The following MYT1L variants were observed in gnomAD, a reference collection of about 807,000 sequenced individuals.
The protein encoded by MYT1L is myelin transcription factor 1 like.
Under a neutral mutation model 126.7 loss-of-function variants are expected in MYT1L, and 12 were observed. That is an observed-to-expected ratio of 0.09 (90% CI 0.06 to 0.15). The LOEUF (loss-of-function observed/expected upper bound fraction) is 0.15. MYT1L is among the 10% of genes least tolerant of loss of function. MYT1L has a pLI of 1.00. For synonymous variants in MYT1L, 541 were observed against 604.2 expected, an observed-to-expected ratio of 0.90 and a Z score of 1.53; for missense variants, 979 against 1,585.2, an observed-to-expected ratio of 0.62 and a Z score of 6.49.
intron 3 of MYT1L, among the ~76,000 whole-genome samples, chr2:2,158,010 T>C (rs1160337482): frequency 6.6e-6 from 1 of 152,122 alleles, no homozygotes; most frequent in African/African-American, 2.4e-5. Context: ...CCTTTCTCCA[T>C]TCCTAGGTCT....
chr2:2,138,394 C>T lies in MYT1L; in HGVS notation c.-304+34478G>A, dbSNP rs371158001. ...ATGCTGCTATAAAGACACATGCACACGTATGTTTATTGCGGCACTATTCAC... is the reference window on the plus strand; with the variant it reads ...ATGCTGCTATAAAGACACATGCACATGTATGTTTATTGCGGCACTATTCAC... On this transcript the variant is annotated intron_variant, in intron 3 of 24. Transcript: ENST00000647738. Among the ~76,000 whole-genome samples the T allele has an allele frequency of 7.2e-4, 101 of 139,958 alleles. 1 individual carries two copies. Among genetic ancestry groups the T allele is most frequent in the Middle Eastern group, 3.6e-3 (1 of 274 alleles). 91.8% of individuals were successfully genotyped at this position (139,958 alleles called of 152,430 possible). A position where few individuals can be genotyped will look rare whatever the true frequency, so the allele number is the denominator to read the frequency against.
At chr2:1,976,919 A>G (rs2060231426) in intron 8 of MYT1L, among the ~76,000 whole-genome samples, 1 of 152,190 alleles carries the variant, frequency 6.6e-6, no homozygotes, top group Admixed American at 6.5e-5. Flanking sequence ...AACAGAGGAA[A>G]CTGAAGGCTG....
intron 23 of MYT1L, chr2:1,795,750 G>C (rs535651599): frequency 6.6e-6 from 1 of 152,342 alleles, no homozygotes; most frequent in South Asian, 2.1e-4. Context: ...TTCTGTTTTT[G>C]ATTGTTTAAG....
At chr2:2,248,684 G>A (rs757987203) in intron 2 of MYT1L, among the ~76,000 whole-genome samples, 4 of 152,004 alleles carry the variant, frequency 2.6e-5, no homozygotes, top group South Asian at 2.1e-4. Flanking sequence ...ATGACCCAGC[G>A]AAATTTATCC....
At chr2:1,838,813 C>T (rs1365250903) in intron 21 of MYT1L, among the ~76,000 whole-genome samples, 7 of 152,248 alleles carry the variant, frequency 4.6e-5, no homozygotes, top group South Asian at 4.1e-4. Context: ...CTGTGAATTT[C>T]GGGTGAAATA....
At chr2:1,826,917 GT>G (rs1164155152) in intron 21 of MYT1L, 3 of 152,124 alleles carry the variant, frequency 2.0e-5, no homozygotes, top group Non-Finnish European at 4.4e-5. Context: ...GTGGGGTGGG[GT>G]GGGGCTCACT....
At chr2:1,998,753 C>T (rs564279414) in intron 4 of MYT1L, among the ~76,000 whole-genome samples, 1 of 152,254 alleles carries the variant, frequency 6.6e-6, no homozygotes, top group African/African-American at 2.4e-5. Flanking sequence ...TACGATAACT[C>T]CCCTAAACAT....
intron 2 of MYT1L, among the ~76,000 whole-genome samples, chr2:2,264,036 G>T (rs1049388895): frequency 6.6e-6 from 1 of 152,130 alleles, no homozygotes; most frequent in Non-Finnish European, 1.5e-5. Flanking sequence ...TGCATTTATA[G>T]AAAAAGAAAT....
chr2:1,892,861 G>A (rs2049092825), intron 14 of MYT1L, among the ~76,000 whole-genome samples: 1 of 152,232 alleles, frequency 6.6e-6, no homozygotes, highest in South Asian at 2.1e-4. Flanking sequence ...TTTGGGAGGT[G>A]GATTTCTGGC....
intron 22 of MYT1L, among the ~76,000 whole-genome samples, chr2:1,802,315 G>A (rs1314038258): frequency 3.9e-5 from 6 of 152,156 alleles, no homozygotes; most frequent in African/African-American, 9.7e-5. Flanking sequence ...GACGTGTAAC[G>A]ACAAATGCCG....
intron 8 of MYT1L, among the ~76,000 whole-genome samples, chr2:1,953,262 G>A (rs750219606): frequency 7.2e-5 from 11 of 152,092 alleles, no homozygotes; most frequent in Non-Finnish European, 8.8e-5. Context: ...CACGCCCAGC[G>A]TCTACTTAAT....
chr2:1,881,000 A>G (rs2047463300), intron 18 of MYT1L, among the ~76,000 whole-genome samples: 1 of 152,232 alleles, frequency 6.6e-6, no homozygotes, highest in Non-Finnish European at 1.5e-5. Flanking sequence ...AAAAAGCTGA[A>G]CACTAAAGGT....
intron 3 of MYT1L, among the ~76,000 whole-genome samples, chr2:2,062,855 A>G (rs2070709242): frequency 6.6e-6 from 1 of 152,042 alleles, no homozygotes; most frequent in African/African-American, 2.4e-5. Flanking sequence ...GTATTTCCCA[A>G]GAATGAGGGG....
At chr2:2,032,254 C>T (rs2066399872) in intron 4 of MYT1L, among the ~76,000 whole-genome samples, 2 of 103,566 alleles carry the variant, frequency 1.9e-5, no homozygotes, top group Non-Finnish European at 3.8e-5. Context: ...ATCCTGTGGC[C>T]CAGAGCAGAT....
At chr2:2,050,546 A>G (rs926049295) in intron 4 of MYT1L, among the ~76,000 whole-genome samples, 1 of 152,216 alleles carries the variant, frequency 6.6e-6, no homozygotes, top group African/African-American at 2.4e-5. Context: ...CTCAGCAATC[A>G]CAGTGGCTAA....
At chr2:2,252,965 A>C (rs1028784909) in intron 2 of MYT1L, among the ~76,000 whole-genome samples, 3 of 152,126 alleles carry the variant, frequency 2.0e-5, no homozygotes, top group African/African-American at 7.2e-5. Flanking sequence ...AAGGAAGTAA[A>C]ATTTTTTTTA....
intron 8 of MYT1L, among the ~76,000 whole-genome samples, chr2:1,959,460 C>T (rs940932444): frequency 1.1e-4 from 17 of 152,190 alleles, no homozygotes; most frequent in African/African-American, 3.9e-4. Context: ...TACATCTGGG[C>T]ACTCAGAGAA....
chr2:1,845,301 C>G (rs964402876), intron 19 of MYT1L, among the ~76,000 whole-genome samples: 3 of 152,080 alleles, frequency 2.0e-5, no homozygotes, highest in Non-Finnish European at 4.4e-5. Flanking sequence ...TTAAAAGTGT[C>G]GTTTTCTTTT....
intron 10 of MYT1L, among the ~76,000 whole-genome samples, chr2:1,920,878 C>G (rs1558402424): frequency 6.6e-6 from 1 of 152,240 alleles, no homozygotes; most frequent in African/African-American, 2.4e-5. Context: ...CCCTTCGCTA[C>G]ATAACAACAC....
Sources: gnomAD v4.1 joint callset for allele counts (sites outside exome capture counted in the v4.1 genomes callset) on GRCh38, gnomAD v4.1.1 for gene constraint, MANE v1.5 for transcripts, NCBI Gene and HGNC (gene_info 2026-07-23, HGNC 2026-07-21) for gene names.